Variants in ASB11 observed in about 807,000 individuals in gnomAD.
The protein encoded by ASB11 is ankyrin repeat and SOCS box containing 11.
Under a neutral mutation model 20.1 loss-of-function variants are expected in ASB11, and 17 were observed. The ratio of observed to expected loss-of-function variants is 0.85; its 90% CI spans 0.58 to 1.27. The LOEUF (loss-of-function observed/expected upper bound fraction) is 1.27. Among genes scored for constraint, ASB11 ranks in the 50% most tolerant of loss-of-function variants. The probability of loss-of-function intolerance (pLI) is 0.00; values close to 1 mark genes in which losing one functional copy is unlikely to be tolerated. For missense variants in ASB11, 259 were observed against 256.9 expected, an observed-to-expected ratio of 1.01 and a Z score of -0.06; for synonymous variants, 107 against 105.6, an observed-to-expected ratio of 1.01 and a Z score of -0.08.
At chrX:15,305,522 AT>A (rs1456301892) in intron 1 of ASB11, among the ~76,000 whole-genome samples, 1 of 110,610 alleles carries the variant, frequency 9.0e-6, no homozygotes, top group Non-Finnish European at 1.9e-5. Flanking sequence ...AGAAGCAGGA[AT>A]TTTTTTGTAC....
In ASB11 at chrX:15,293,234, C is replaced by T. The variant is rs1186658130; in HGVS notation, c.456G>A (p.Glu152=). 1 of 1,210,282 alleles carries T rather than the reference C, an allele frequency of 8.3e-7. No homozygotes were observed. Among genetic ancestry groups the T allele is most frequent in the Non-Finnish European group, 1.1e-6 (1 of 895,327 alleles). ...CCTCCAACTGGGCCTTGGCTCCGAA[C>T]TCCAGCAGCACATTGACACATGCAG... ...GSAACVNVLL[E]FGAKAQLEVH... is the part of the protein sequence containing the mutation. Residue 152 remains glutamate, a synonymous_variant, in exon 4 of 7, where the codon GAG becomes GAA. Coordinates refer to ENST00000480796, the MANE Select transcript of ASB11 (RefSeq NM_080873.3).
intron 2 of ASB11, among the ~76,000 whole-genome samples, chrX:15,299,570 T>C (rs770018057): frequency 9.0e-6 from 1 of 111,041 alleles, no homozygotes; most frequent in African/African-American, 3.3e-5. Context: ...TCTGTGTTGA[T>C]GTTAAATTCT....
At chrX:15,313,219 C>G (rs370659065) in intron 1 of ASB11, among the ~76,000 whole-genome samples, 2 of 110,448 alleles carry the variant, frequency 1.8e-5, no homozygotes, top group African/African-American at 6.6e-5. Flanking sequence ...GCCAACATAG[C>G]GAAACCCCAT....
chrX:15,307,938 C>T (rs1050486163), intron 1 of ASB11, among the ~76,000 whole-genome samples: 1 of 111,999 alleles, frequency 8.9e-6, no homozygotes, highest in Non-Finnish European at 1.9e-5. Context: ...ATCTCTGATC[C>T]TCTTCACAGC....
chrX:15,314,639 G>A lies in ASB11; in HGVS notation c.181+786C>T, dbSNP rs138884464. On this transcript the variant is annotated intron_variant, in intron 1 of 6. Transcript: ENST00000480796. ...AAATGGATACTAGATAAAGAATGAT[G>A]TAATCCTGGAACCCCTGCAAACACT... 7.2e-3 allele frequency: 5,644 copies of A among 780,688 alleles called. 30 individuals are homozygous for A. The highest frequency in any genetic ancestry group is 0.024 in the Middle Eastern group (54 of 2,225). 64.3% of individuals were successfully genotyped at this position (780,688 alleles called of 1,213,427 possible). A position where few individuals can be genotyped will look rare whatever the true frequency, so the allele number is the denominator to read the frequency against.
chrX:15,289,400 T>A, intron 5 of ASB11, 104 bp downstream of exon 5: 1 of 918,786 alleles, frequency 1.1e-6, no homozygotes, highest in Non-Finnish European at 1.5e-6. Context: ...AAACATAAAA[T>A]GCTAACCGAA....
At position 15,293,358 on chromosome X, in the gene ASB11, T is replaced by C. The variant is rs1927583695; in HGVS notation, c.370-38A>G. 4 of 1,169,535 alleles carry C rather than the reference T, an allele frequency of 3.4e-6. No homozygotes were observed. The African/African-American group carries it at 7.1e-5, about 21-fold the overall frequency. The stretch of plus-strand genomic sequence containing the variant: ...AAAGAGAGACCCAAAGGATTTGTTA[T>C]TTCATTCTCACCATCTCCAAGTATG... On this transcript the variant is annotated intron_variant, in intron 3 of 6. Transcript: ENST00000480796.
chrX:15,303,771 A>T (rs16979814), intron 1 of ASB11, among the ~76,000 whole-genome samples: 5 of 112,034 alleles, frequency 4.5e-5, no homozygotes, highest in Non-Finnish European at 1.9e-5. Flanking sequence ...TGTCAAGTGC[A>T]TTGGTCTCTA....
At chrX:15,288,878 T>G (rs929590906) in intron 5 of ASB11, among the ~76,000 whole-genome samples, 3 of 110,478 alleles carry the variant, frequency 2.7e-5, no homozygotes, top group African/African-American at 9.9e-5. Context: ...AGAGCGAAAC[T>G]TCATCTCAAA....
intron 6 of ASB11, among the ~76,000 whole-genome samples, chrX:15,286,130 T>C (rs1260591609): frequency 9.0e-6 from 1 of 111,380 alleles, no homozygotes; most frequent in African/African-American, 3.3e-5. Context: ...ACAGGTCCCA[T>C]CCTAGACCTC....
At chrX:15,313,766 T>C (rs1442307035) in intron 1 of ASB11, among the ~76,000 whole-genome samples, 5 of 110,882 alleles carry the variant, frequency 4.5e-5, no homozygotes, top group Non-Finnish European at 9.5e-5. Flanking sequence ...AAGAGTGCAC[T>C]TGAGGCCGGG....
intron 2 of ASB11, among the ~76,000 whole-genome samples, chrX:15,301,816 G>A (rs1226284084): frequency 8.9e-6 from 1 of 112,190 alleles, no homozygotes; most frequent in African/African-American, 3.2e-5. Context: ...TTCAATAAAT[G>A]TTCCCTGGGG....
chrX:15,284,391 G>A lies in ASB11; in HGVS notation c.848-762C>T, dbSNP rs1040824604. On this transcript the variant is annotated intron_variant, in intron 6 of 6. Coordinates refer to ENST00000480796, the MANE Select transcript of ASB11 (RefSeq NM_080873.3). The stretch of plus-strand genomic sequence containing the variant: ...GACAATACGGAAAGGGTGTCAGCGG[G>A]AAGTTCCACCTGCGTGGTGACAGAG... Among the ~76,000 whole-genome samples, 3 of 111,500 alleles carry A rather than the reference G, an allele frequency of 2.7e-5. No homozygotes were observed. The Admixed American group carries it at 2.9e-4, about 11-fold the overall frequency.
chrX:15,283,783 T>C (rs1016281669), intron 6 of ASB11, among the ~76,000 whole-genome samples, 154 bp from the exon 7 acceptor site: 5 of 111,498 alleles, frequency 4.5e-5, no homozygotes, highest in African/African-American at 1.6e-4. Flanking sequence ...GGACACTAAA[T>C]ACAGACAGCA....
chrX:15,303,804 G>A (rs1038097084), intron 1 of ASB11, among the ~76,000 whole-genome samples: 8 of 112,192 alleles, frequency 7.1e-5, no homozygotes, highest in African/African-American at 2.6e-4. Context: ...AAATACAACC[G>A]CGATGTTAAG....
chrX:15,293,357 A>G (rs777561847), intron 3 of ASB11, 37 bp from the exon 4 acceptor site: 3 of 1,171,622 alleles, frequency 2.6e-6, no homozygotes, highest in East Asian at 3.0e-5. Flanking sequence ...AGGATTTGTT[A>G]TTTCATTCTC....
In ASB11 at chrX:15,308,358, T is replaced by G. The variant is rs141364379; in HGVS notation, c.182-5551A>C. 3.9e-3 allele frequency among the ~76,000 whole-genome samples: 436 copies of G among 112,290 alleles called. 4 individuals carry two copies. The highest frequency in any genetic ancestry group is 0.013 in the African/African-American group (399 of 30,904). On this transcript the variant is annotated intron_variant, in intron 1 of 6. Coordinates refer to ENST00000480796, the MANE Select transcript of ASB11 (RefSeq NM_080873.3). ...GTTAACAAGCCTGTGGTGCCATCTT[T>G]CATTCCACCAAGAAAGAGGGAATGG...
At chrX:15,301,816 G>T (rs1226284084) in intron 2 of ASB11, among the ~76,000 whole-genome samples, 1 of 112,190 alleles carries the variant, frequency 8.9e-6, no homozygotes, top group Non-Finnish European at 1.9e-5. Context: ...TTCAATAAAT[G>T]TTCCCTGGGG....
chrX:15,291,195 C>A (rs1299478789), intron 4 of ASB11, among the ~76,000 whole-genome samples: 1 of 111,032 alleles, frequency 9.0e-6, no homozygotes, highest in East Asian at 2.8e-4. Flanking sequence ...CCTTAACATG[C>A]TTTTACAGTA....
Sources: allele counts gnomAD v4.1 joint callset (sites outside exome capture counted in the v4.1 genomes callset), GRCh38; gene constraint gnomAD v4.1.1; transcripts MANE v1.5; gene names NCBI Gene and HGNC (gene_info 2026-07-23, HGNC 2026-07-21).